Variants in SORCS3 observed in about 807,000 individuals in gnomAD.
SORCS3 encodes VPS10 domain-containing receptor SorCS3.
In SORCS3, 57 loss-of-function variants were observed where a neutral mutation model predicts 146.3. That is an observed-to-expected ratio of 0.39 (90% CI 0.31 to 0.49). SORCS3 has a LOEUF of 0.49. Ranked by LOEUF, SORCS3 falls within the 20% of genes least tolerant of loss-of-function variation. The pLI is 0.92. For synonymous variants in SORCS3, 653 were observed against 618.5 expected, an observed-to-expected ratio of 1.06 and a Z score of -0.83; for missense variants, 1,341 against 1,575.5, an observed-to-expected ratio of 0.85 and a Z score of 2.52.
At chr10:104,773,555 T>A (rs1438118692) in intron 1 of SORCS3, among the ~76,000 whole-genome samples, 7 of 152,224 alleles carry the variant, frequency 4.6e-5, no homozygotes, top group Non-Finnish European at 7.3e-5. Context: ...AGCACACCAC[T>A]GCCAGCTGAC....
intron 4 of SORCS3, among the ~76,000 whole-genome samples, chr10:105,033,166 T>G (rs1036180681): frequency 3.9e-5 from 6 of 152,212 alleles, no homozygotes; most frequent in African/African-American, 1.4e-4. Context: ...GTGGAAATGA[T>G]TTGTAAATAA....
chr10:105,240,928 A>G (rs1017712321), intron 20 of SORCS3, among the ~76,000 whole-genome samples: 4 of 51,324 alleles, frequency 7.8e-5, no homozygotes, highest in Non-Finnish European at 1.1e-4. Flanking sequence ...ACACATATAC[A>G]CACACAAACA....
At chr10:105,150,504 C>T (rs1369843712) in intron 9 of SORCS3, among the ~76,000 whole-genome samples, 1 of 151,952 alleles carries the variant, frequency 6.6e-6, no homozygotes, top group East Asian at 1.9e-4. Context: ...GTCCTTTTGC[C>T]CTGGGGAGGA....
intron 1 of SORCS3, among the ~76,000 whole-genome samples, chr10:104,806,497 C>T (rs938543325): frequency 6.6e-6 from 1 of 152,132 alleles, no homozygotes; most frequent in African/African-American, 2.4e-5. Context: ...TACCCAAAGC[C>T]ACAACATTGT....
chr10:105,262,343 G>C lies in SORCS3; in HGVS notation c.3456G>C (p.Trp1152Cys). The change falls in exon 26 of 27, where the codon TGG becomes TGC. Residue 1152 changes from tryptophan (W) to cysteine (C), a missense_variant. Trp to Cys is a radical substitution (Grantham distance 215, BLOSUM62 -2). Transcript: ENST00000369701. ...LIYKFKRKIP[W>C]INIYAQVQHD... ...CTGTCCCATGTAGGAAAATCCCTTGGATTAACATCTATGCTCAAGTCCAAC... is the reference window on the plus strand; with the variant it reads ...CTGTCCCATGTAGGAAAATCCCTTGCATTAACATCTATGCTCAAGTCCAAC... 6.2e-7 allele frequency: 1 copy of C among 1,612,706 alleles called. No individual in the cohort carries two copies. The highest frequency in any genetic ancestry group is 8.5e-7 in the Non-Finnish European group (1 of 1,179,140).
chr10:104,849,049 C>T lies in SORCS3; in HGVS notation c.695+6190C>T, dbSNP rs143412440. ...TGAATCGGAGAAGAGAGCAATATGG[C>T]AAATATATTTTGTTTTGCTATTTAA... On this transcript the variant is annotated intron_variant, in intron 2 of 26. Transcript: ENST00000369701. Among the ~76,000 whole-genome samples the T allele has an allele frequency of 3.3e-5, 5 of 152,116 alleles. No homozygotes were observed. The East Asian group carries it at 5.8e-4, about 18-fold the overall frequency.
chr10:105,192,752 A>G (rs1422711876), intron 14 of SORCS3, among the ~76,000 whole-genome samples: 1 of 152,190 alleles, frequency 6.6e-6, no homozygotes, highest in Non-Finnish European at 1.5e-5. Context: ...CTTCCTAGGA[A>G]CAAATTCTGA....
At chr10:104,654,689 A>G (rs2015603874) in intron 1 of SORCS3, among the ~76,000 whole-genome samples, 1 of 152,218 alleles carries the variant, frequency 6.6e-6, no homozygotes. Context: ...TACTTAGGTT[A>G]CTTGATGCTT....
intron 4 of SORCS3, among the ~76,000 whole-genome samples, chr10:104,999,140 C>T (rs1297198015): frequency 6.6e-6 from 1 of 151,980 alleles, no homozygotes; most frequent in Non-Finnish European, 1.5e-5. Flanking sequence ...TAAAACCGTC[C>T]CTTTTTTGTT....
intron 1 of SORCS3, among the ~76,000 whole-genome samples, chr10:104,704,735 A>G (rs1589465154): frequency 6.6e-6 from 1 of 152,198 alleles, no homozygotes; most frequent in East Asian, 1.9e-4. Flanking sequence ...CCTGTAAAAT[A>G]GCAAACATGC....
chr10:105,009,528 A>C (rs1241571365), intron 4 of SORCS3, among the ~76,000 whole-genome samples: 1 of 10,932 alleles, frequency 9.1e-5, no homozygotes, highest in Non-Finnish European at 3.6e-4. Flanking sequence ...ACAAACAAAC[A>C]AAAAAAAAAA....
intron 1 of SORCS3, among the ~76,000 whole-genome samples, chr10:104,796,798 G>A (rs1300974383): frequency 2.6e-5 from 4 of 152,112 alleles, no homozygotes; most frequent in South Asian, 2.1e-4. Context: ...AACAAGTTCT[G>A]GGGCAGAGGC....
intron 1 of SORCS3, among the ~76,000 whole-genome samples, chr10:104,726,932 C>G (rs1260027717): frequency 6.6e-6 from 1 of 152,208 alleles, no homozygotes; most frequent in Non-Finnish European, 1.5e-5. Flanking sequence ...AATACCATCT[C>G]TAGTTATTGA....
At chr10:104,685,817 G>C (rs1047175549) in intron 1 of SORCS3, among the ~76,000 whole-genome samples, 4 of 152,196 alleles carry the variant, frequency 2.6e-5, no homozygotes, top group African/African-American at 9.7e-5. Flanking sequence ...AAATGTCATT[G>C]GTTCCCTCTT....
At chr10:105,162,547 A>G (rs545170830) in intron 11 of SORCS3, among the ~76,000 whole-genome samples, 1 of 152,312 alleles carries the variant, frequency 6.6e-6, no homozygotes, top group South Asian at 2.1e-4. Context: ...TCCTGGGTAC[A>G]TCTTTTCTGT....
chr10:104,727,545 G>GTATATATATATATATATATA (rs34816369), intron 1 of SORCS3, among the ~76,000 whole-genome samples: 1 of 147,942 alleles, frequency 6.8e-6, no homozygotes, highest in East Asian at 2.0e-4. Flanking sequence ...ATGTGTGTGT[G>GTATATATATATATATATATA]TATATATATA....
intron 1 of SORCS3, among the ~76,000 whole-genome samples, chr10:104,769,363 G>C (rs1250284488): frequency 6.6e-6 from 1 of 152,214 alleles, no homozygotes; most frequent in African/African-American, 2.4e-5. Flanking sequence ...GTTGTGGGCT[G>C]TTTCTGTTTC....
chr10:104,863,683 G>A (rs535501692), intron 2 of SORCS3, among the ~76,000 whole-genome samples: 2 of 152,334 alleles, frequency 1.3e-5, no homozygotes, highest in South Asian at 2.1e-4. Flanking sequence ...TCTAGCAGCT[G>A]TGGGTCTTCC....
intron 1 of SORCS3, among the ~76,000 whole-genome samples, chr10:104,811,775 C>G (rs192034713): frequency 6.6e-6 from 1 of 152,252 alleles, no homozygotes; most frequent in Admixed American, 6.5e-5. Context: ...AGCAGACAGC[C>G]TTACATTCTC....
Sources: gnomAD v4.1 joint callset for allele counts (sites outside exome capture counted in the v4.1 genomes callset) on GRCh38, gnomAD v4.1.1 for gene constraint, MANE v1.5 for transcripts, NCBI Gene and HGNC (gene_info 2026-07-23, HGNC 2026-07-21) for gene names.